The following CDC42BPA variants were observed in gnomAD, a reference collection of about 807,000 sequenced individuals.
CDC42BPA encodes serine/threonine-protein kinase MRCK alpha.
In CDC42BPA, 80 loss-of-function variants were observed where a neutral mutation model predicts 223.5. The ratio of observed to expected loss-of-function variants is 0.36; its 90% CI spans 0.30 to 0.43. The LOEUF (loss-of-function observed/expected upper bound fraction) is 0.43, where lower values mean the gene tolerates loss of function less well. CDC42BPA is among the 20% of genes least tolerant of loss of function. The pLI, the probability that CDC42BPA is intolerant of heterozygous loss-of-function variation, is 1.00. For synonymous variants in CDC42BPA, 694 were observed against 718.6 expected (o/e 0.97, Z 0.55); for missense variants, 1,743 against 2,099.9 (o/e 0.83, Z 3.32).
chr1:227,092,023 G>A (rs371026184), intron 15 of CDC42BPA, 32 bp from the exon 16 acceptor site: 1 of 1,167,118 alleles, frequency 8.6e-7, no homozygotes, highest in South Asian at 1.4e-5. Flanking sequence ...AAGGAAAAAG[G>A]GGAATTAAAG....
intron 6 of CDC42BPA, among the ~76,000 whole-genome samples, chr1:227,152,914 T>A (rs1429282011): frequency 6.6e-6 from 1 of 151,980 alleles, no homozygotes; most frequent in Non-Finnish European, 1.5e-5. Flanking sequence ...AAACTTAAGG[T>A]AGCTACAGTA....
At chr1:227,130,190 T>C (rs1244490982) in intron 10 of CDC42BPA, among the ~76,000 whole-genome samples, 3 of 152,212 alleles carry the variant, frequency 2.0e-5, no homozygotes. Context: ...TATTCTGCTA[T>C]TTATGGAGGG....
At chr1:227,135,904 C>CAAAAAAAA (rs1658467450) in intron 10 of CDC42BPA, among the ~76,000 whole-genome samples, 1 of 131,092 alleles carries the variant, frequency 7.6e-6, no homozygotes, top group South Asian at 2.3e-4. Flanking sequence ...AAAAAAAAAG[C>CAAAAAAAA]AATTTAGTCT....
At chr1:227,249,749 T>C (rs991601487) in intron 2 of CDC42BPA, among the ~76,000 whole-genome samples, 1 of 152,092 alleles carries the variant, frequency 6.6e-6, no homozygotes, top group Non-Finnish European at 1.5e-5. Flanking sequence ...TACAATGAGG[T>C]ATCATCTCAC....
chr1:227,002,606 G>A (rs550968184), intron 35 of CDC42BPA, among the ~76,000 whole-genome samples: 1 of 152,360 alleles, frequency 6.6e-6, no homozygotes, highest in African/African-American at 2.4e-5. Flanking sequence ...TGGTGATACA[G>A]CACTCCTGAG....
chr1:227,254,268 T>C (rs1204909207), intron 1 of CDC42BPA, 113 bp from the exon 2 acceptor site: 2 of 574,472 alleles, frequency 3.5e-6, no homozygotes, highest in African/African-American at 2.0e-5. Context: ...TTAAGAATTG[T>C]CAAAATATTT....
intron 10 of CDC42BPA, among the ~76,000 whole-genome samples, chr1:227,138,138 C>A (rs1161328844): frequency 6.6e-6 from 1 of 152,012 alleles, no homozygotes; most frequent in Admixed American, 6.5e-5. Flanking sequence ...GTCTACACAG[C>A]CTTTTTCTCT....
chr1:227,019,264 C>T (rs1035006981), intron 32 of CDC42BPA, among the ~76,000 whole-genome samples: 4 of 151,560 alleles, frequency 2.6e-5, no homozygotes, highest in African/African-American at 4.8e-5. Flanking sequence ...TTTTTGCTTA[C>T]CCATGAGATA....
At chr1:227,211,033 CA>C (rs1673788316) in intron 3 of CDC42BPA, among the ~76,000 whole-genome samples, 1 of 152,316 alleles carries the variant, frequency 6.6e-6, no homozygotes, top group African/African-American at 2.4e-5. Context: ...TTCCCTTCTA[CA>C]GGTAGGGATT....
chr1:227,112,685 T>C lies in CDC42BPA; in HGVS notation c.1876A>G (p.Arg626Gly), dbSNP rs1172914393. The change falls in exon 13 of 37, where the codon AGA becomes GGA. Residue 626 changes from arginine to glycine, a missense_variant. Physicochemically the swap from Arg to Gly is moderately radical, Grantham distance 125 (BLOSUM62 -2). Around this residue, in one of 6 missense-constraint regions of CDC42BPA, gnomAD observed 464 missense variants for 488.0 expected, o/e 0.95. Coordinates refer to ENST00000366766, the MANE Select transcript of CDC42BPA (RefSeq NM_001394014.1). ...TGACTACTAACCTCTTTTTTGGCTC[T>C]TTCTGTTCTGCGCAGTTCTTGCCTT... ...SLRQELRRTE[R>G]AKKELEVHTE... 2.5e-6 allele frequency: 4 copies of C among 1,613,980 alleles called. No homozygotes were observed. In the South Asian group the frequency reaches 4.4e-5, roughly 18 times the overall value.
chr1:227,287,615 T>C (rs1689017385), intron 1 of CDC42BPA, among the ~76,000 whole-genome samples: 2 of 152,212 alleles, frequency 1.3e-5, no homozygotes, highest in South Asian at 4.1e-4. Flanking sequence ...TTCAACCTTG[T>C]TGAATTTCAG....
chr1:227,037,111 A>C (rs1310288964), intron 24 of CDC42BPA, among the ~76,000 whole-genome samples: 8 of 152,246 alleles, frequency 5.3e-5, no homozygotes, highest in Non-Finnish European at 1.0e-4. Context: ...ACTTAAAGCC[A>C]GGTAGCTGGC....
intron 2 of CDC42BPA, among the ~76,000 whole-genome samples, chr1:227,218,355 C>T (rs1291543165): frequency 6.6e-6 from 1 of 152,122 alleles, no homozygotes; most frequent in Non-Finnish European, 1.5e-5. Context: ...TTGTCTTTTT[C>T]ACCTTTTAAT....
At chr1:227,101,331 AAC>A in intron 14 of CDC42BPA, 92 bp from the exon 15 acceptor site, 1 of 739,080 alleles carries the variant, frequency 1.4e-6, no homozygotes, top group Non-Finnish European at 2.0e-6. Context: ...GTATTCATAT[AAC>A]TGCATTTTTT....
intron 1 of CDC42BPA, among the ~76,000 whole-genome samples, chr1:227,307,690 T>C (rs4281297): frequency 0.31 from 46,802 of 152,146 alleles, 7,379 homozygotes; most frequent in East Asian, 0.37. Context: ...GAAACACTAG[T>C]GTACATTAAG....
intron 11 of CDC42BPA, among the ~76,000 whole-genome samples, chr1:227,126,523 A>AGGAAGGAAG (rs1558556516): frequency 2.1e-5 from 2 of 96,510 alleles, no homozygotes; most frequent in Non-Finnish European, 4.4e-5. Context: ...AAGGAAGGTA[A>AGGAAGGAAG]GAAAGGAAAA....
At chr1:227,109,463 C>T (rs508769) in intron 14 of CDC42BPA, among the ~76,000 whole-genome samples, 19,585 of 151,860 alleles carry the variant, frequency 0.13, 1,336 homozygotes, top group East Asian at 0.26. Context: ...CCTCCCAGGT[C>T]CAGGCGATTC....
intron 5 of CDC42BPA, among the ~76,000 whole-genome samples, chr1:227,163,155 TATATGTGTGTATATGTTTCCAAAC>T (rs1323848699): frequency 1.3e-5 from 2 of 151,906 alleles, no homozygotes; most frequent in African/African-American, 2.4e-5. Flanking sequence ...TTTCCAAACA[TATATGTGTGTATATGTTTCCAAAC>T]ATATGTGTGT....
chr1:227,029,126 A>G lies in CDC42BPA; in HGVS notation c.3963T>C (p.Asp1321=), dbSNP rs180784576. Reference sequence around the variant, plus strand: ...GCTTGTAAAAATCGGTCTCTCGCCCATCCAATGCTGACATAGGAAAAAGTC... The same window carrying G: ...GCTTGTAAAAATCGGTCTCTCGCCCGTCCAATGCTGACATAGGAAAAAGTC... ...HVRLFPMSAL[D]GRETDFYKLS... Residue 1321 remains aspartate, a synonymous_variant, in exon 30 of 37, where the codon GAT becomes GAC. Transcript: ENST00000366766. 6 of 1,611,364 alleles carry G rather than the reference A, an allele frequency of 3.7e-6. No individual in the cohort carries two copies. The East Asian group carries it at 1.1e-4, about 30-fold the overall frequency.
Sources: gnomAD v4.1 joint callset for allele counts (sites outside exome capture counted in the v4.1 genomes callset) on GRCh38, gnomAD v4.1.1 for gene constraint, gnomAD v4.1.1 regional missense constraint, MANE v1.5 for transcripts, NCBI Gene and HGNC (gene_info 2026-07-23, HGNC 2026-07-21) for gene names.